GPR39: variants seen among roughly 807,000 people sequenced by gnomAD.
GPR39 encodes G protein-coupled receptor 39, also known as zinc sensing receptor.
GPR39 carries 23 observed loss-of-function variants against 18.4 expected under a neutral mutation model. That is an observed-to-expected ratio of 1.25 (90% CI 0.90 to 1.77). GPR39 has a LOEUF of 1.77. GPR39 is among the 40% of genes most tolerant of loss of function. The pLI is 0.00. For missense variants in GPR39, 647 were observed against 602.4 expected (o/e 1.07, Z -0.78); for synonymous variants, 280 against 257.9 (o/e 1.09, Z -0.82).
intron 1 of GPR39, among the ~76,000 whole-genome samples, chr2:132,549,009 T>A (rs1200562058): frequency 2.6e-5 from 4 of 152,194 alleles, no homozygotes; most frequent in African/African-American, 7.2e-5. Context: ...TATTCTTATA[T>A]TATTACCCTC....
chr2:132,591,466 T>C (rs1414865006), intron 1 of GPR39, among the ~76,000 whole-genome samples: 1 of 152,140 alleles, frequency 6.6e-6, no homozygotes, highest in Non-Finnish European at 1.5e-5. Context: ...CACTGTCAGC[T>C]TCCCTACTTT....
chr2:132,531,703 A>G (rs923525226), intron 1 of GPR39, among the ~76,000 whole-genome samples: 3 of 152,218 alleles, frequency 2.0e-5, no homozygotes, highest in African/African-American at 7.2e-5. Flanking sequence ...ACTCACTCAA[A>G]ACTGCTCAAC....
intron 1 of GPR39, among the ~76,000 whole-genome samples, chr2:132,494,538 G>C (rs1308606213): frequency 6.6e-6 from 1 of 152,120 alleles, no homozygotes; most frequent in African/African-American, 2.4e-5. Flanking sequence ...CTTATACCAG[G>C]CATGATTAGG....
intron 1 of GPR39, among the ~76,000 whole-genome samples, chr2:132,517,767 C>T (rs1679358929): frequency 6.6e-6 from 1 of 152,148 alleles, no homozygotes; most frequent in African/African-American, 2.4e-5. Context: ...GAATGGTTAC[C>T]TCTTGCCAGG....
intron 1 of GPR39, among the ~76,000 whole-genome samples, chr2:132,520,624 G>T (rs1010738527): frequency 2.0e-5 from 3 of 152,218 alleles, no homozygotes; most frequent in African/African-American, 4.8e-5. Flanking sequence ...TGCCTGCCAG[G>T]CATGGTGATG....
chr2:132,474,599 A>G (rs999625385), intron 1 of GPR39, among the ~76,000 whole-genome samples: 3 of 152,170 alleles, frequency 2.0e-5, no homozygotes, highest in Non-Finnish European at 4.4e-5. Context: ...TTTTGATTGT[A>G]CAAATCAAGC....
At chr2:132,606,568 A>G (rs1311410712) in intron 1 of GPR39, among the ~76,000 whole-genome samples, 1 of 152,210 alleles carries the variant, frequency 6.6e-6, no homozygotes, top group Non-Finnish European at 1.5e-5. Flanking sequence ...TACAAGCCCA[A>G]GTGGGTGTGT....
At chr2:132,584,375 C>G (rs918928888) in intron 1 of GPR39, among the ~76,000 whole-genome samples, 1 of 152,162 alleles carries the variant, frequency 6.6e-6, no homozygotes, top group Non-Finnish European at 1.5e-5. Context: ...TGAGTGAACA[C>G]CCATGCTTGA....
intron 1 of GPR39, among the ~76,000 whole-genome samples, chr2:132,569,636 G>T (rs1680408593): frequency 6.6e-6 from 1 of 151,602 alleles, no homozygotes; most frequent in Non-Finnish European, 1.5e-5. Flanking sequence ...AGTGGGGGTG[G>T]GGGGGGTCCC....
At chr2:132,456,505 A>C (rs371471627) in intron 1 of GPR39, among the ~76,000 whole-genome samples, 4 of 152,242 alleles carry the variant, frequency 2.6e-5, no homozygotes, top group African/African-American at 9.6e-5. Flanking sequence ...TTATGTGTGA[A>C]TCTGATCATG....
intron 1 of GPR39, among the ~76,000 whole-genome samples, chr2:132,519,322 A>G (rs574503264): frequency 4.8e-4 from 73 of 152,146 alleles, no homozygotes; most frequent in African/African-American, 1.8e-3. Context: ...AAAAATGCAT[A>G]TTTTTCTGAA....
chr2:132,595,185 G>A (rs1680915170), intron 1 of GPR39, among the ~76,000 whole-genome samples: 1 of 152,118 alleles, frequency 6.6e-6, no homozygotes, highest in Non-Finnish European at 1.5e-5. Flanking sequence ...TTTTAGTAGA[G>A]ATGGGGGTTT....
chr2:132,513,641 G>A (rs1679279596), intron 1 of GPR39, among the ~76,000 whole-genome samples: 1 of 152,190 alleles, frequency 6.6e-6, no homozygotes, highest in Non-Finnish European at 1.5e-5. Context: ...CTGGATGGTT[G>A]GGAAACTAAG....
chr2:132,541,094 A>AT (rs1237327526), intron 1 of GPR39, among the ~76,000 whole-genome samples: 3 of 151,494 alleles, frequency 2.0e-5, no homozygotes, highest in Non-Finnish European at 2.9e-5. Context: ...TATTGTTATT[A>AT]TTTTTTTGAG....
chr2:132,606,644 G>A (rs1294231857), intron 1 of GPR39, among the ~76,000 whole-genome samples: 1 of 152,228 alleles, frequency 6.6e-6, no homozygotes, highest in Non-Finnish European at 1.5e-5. Context: ...TAGATCCTTT[G>A]CAGTATCCTA....
intron 1 of GPR39, among the ~76,000 whole-genome samples, chr2:132,486,434 G>A (rs1179277118): frequency 6.6e-6 from 1 of 152,180 alleles, no homozygotes; most frequent in African/African-American, 2.4e-5. Flanking sequence ...AGTCCTAGAT[G>A]GCATCTTCTT....
Position 132,417,845 on chromosome 2 carries a change from A to G in GPR39, c.803A>G (p.Lys268Arg), listed in dbSNP as rs1679939369. The change falls in exon 1 of 2, where the codon AAG becomes AGG. Residue 268 changes from lysine to arginine, a missense_variant. Physicochemically the swap from Lys to Arg is conservative, Grantham distance 26. Transcript: ENST00000329321. Reference sequence around the variant, plus strand: ...GGCACGCGGCCTCCGCAGCTGAGGAAGTCCGAGAGCGAAGAGAGCAGGACC... The same window carrying G: ...GGCACGCGGCCTCCGCAGCTGAGGAGGTCCGAGAGCGAAGAGAGCAGGACC... ...AGGTRPPQLR[K>R]SESEESRTAR... 2 of 1,612,290 alleles carry G rather than the reference A, an allele frequency of 1.2e-6. No homozygotes were observed. The highest frequency in any genetic ancestry group is 1.7e-5 in the Admixed American group (1 of 60,000).
chr2:132,645,213 G>T lies in GPR39; in HGVS notation c.969G>T (p.Met323Ile). 2 of 1,614,164 alleles carry T rather than the reference G, an allele frequency of 1.2e-6. No individual in the cohort carries two copies. Among genetic ancestry groups the T allele is most frequent in the Non-Finnish European group, 1.7e-6 (2 of 1,180,028 alleles). Residue 323 changes from methionine (M) to isoleucine (I), a missense_variant, in exon 2 of 2, where the codon ATG becomes ATT. Met to Ile is a conservative substitution (Grantham distance 10, BLOSUM62 1). Transcript: ENST00000329321. The stretch of plus-strand genomic sequence containing the variant: ...CGAGGTCCTACTTCCGGGCGTACAT[G>T]ATCCTCCTCCCCTTCTCGGAGACGT... ...DWTRSYFRAY[M>I]ILLPFSETFF... is the part of the protein sequence containing the mutation.
chr2:132,531,331 C>G (rs768314578), intron 1 of GPR39, among the ~76,000 whole-genome samples: 1 of 152,322 alleles, frequency 6.6e-6, no homozygotes, highest in Admixed American at 6.5e-5. Context: ...GCACCCGATA[C>G]AGGAGCATCC....
Sources: allele counts gnomAD v4.1 joint callset (sites outside exome capture counted in the v4.1 genomes callset), GRCh38; gene constraint gnomAD v4.1.1; transcripts MANE v1.5; gene names NCBI Gene and HGNC (gene_info 2026-07-23, HGNC 2026-07-21).